Variants in HYDIN observed in about 807,000 individuals in gnomAD.
HYDIN encodes HYDIN axonemal central pair apparatus protein.
In HYDIN, 132 loss-of-function variants were observed where a neutral mutation model predicts 403.9. The ratio of observed to expected loss-of-function variants is 0.33; its 90% CI spans 0.28 to 0.38. HYDIN has a LOEUF of 0.38. Ranked by LOEUF, HYDIN falls within the 10% of genes least tolerant of loss-of-function variation. HYDIN has a pLI of 1.00. For missense variants in HYDIN, 2,827 were observed against 5,009.5 expected (o/e 0.56, Z 13.15); for synonymous variants, 1,202 against 1,891.7 (o/e 0.64, Z 9.46).
At chr16:71,137,614 A>C (rs995537800) in intron 7 of HYDIN, among the ~76,000 whole-genome samples, 6 of 152,068 alleles carry the variant, frequency 3.9e-5, no homozygotes, top group African/African-American at 1.4e-4. Context: ...GGGCACTCCA[A>C]AACTTTTTCT....
rs1422949359 is a variant in HYDIN, at chr16:70,832,829, C to T, written c.13899+19G>A. The T allele has an allele frequency of 3.1e-6, 5 of 1,597,952 alleles. No individual in the cohort carries two copies. In the Admixed American group the frequency reaches 5.0e-5, roughly 16 times the overall value. On this transcript the variant is annotated intron_variant, in intron 80 of 85. Coordinates refer to ENST00000393567, the MANE Select transcript of HYDIN (RefSeq NM_001270974.2). ...GGGTCACTCCTGCCACTGGGCCACC[C>T]CGGGCAGCAGCTACTAACCTCTTTT...
At chr16:71,109,331 TA>T (rs2083730137) in intron 10 of HYDIN, among the ~76,000 whole-genome samples, 1 of 136,988 alleles carries the variant, frequency 7.3e-6, no homozygotes, top group Non-Finnish European at 1.5e-5. Flanking sequence ...GGAAATATTT[TA>T]AAAGCAATGT....
At chr16:71,224,469 A>T (rs2040938886) in intron 1 of HYDIN, among the ~76,000 whole-genome samples, 1 of 152,090 alleles carries the variant, frequency 6.6e-6, no homozygotes, top group East Asian at 1.9e-4. Context: ...AGGCTGCTCA[A>T]TTTGCAAATT....
intron 1 of HYDIN, among the ~76,000 whole-genome samples, chr16:71,219,986 T>C (rs2089113316): frequency 6.6e-6 from 1 of 152,198 alleles, no homozygotes; most frequent in Admixed American, 6.5e-5. Context: ...TCCATTGCGT[T>C]CTGAAATGTA....
intron 58 of HYDIN, among the ~76,000 whole-genome samples, chr16:70,889,010 T>G (rs1016401441): frequency 5.9e-5 from 9 of 151,644 alleles, no homozygotes; most frequent in African/African-American, 1.9e-4. Context: ...TCTTTTTGTC[T>G]GTGTCTGTTG....
At chr16:70,976,501 T>C (rs1197283966) in intron 30 of HYDIN, among the ~76,000 whole-genome samples, 3 of 150,974 alleles carry the variant, frequency 2.0e-5, no homozygotes, top group Non-Finnish European at 4.4e-5. Context: ...TGTGATAAAA[T>C]TGCACAGAAC....
chr16:70,990,562 A>C (rs2079318025), intron 25 of HYDIN, among the ~76,000 whole-genome samples: 1 of 151,612 alleles, frequency 6.6e-6, no homozygotes, highest in Non-Finnish European at 1.5e-5. Flanking sequence ...GTGCCAAATT[A>C]GTATGTAGAG....
At chr16:70,999,230 C>T (rs1425823953) in intron 23 of HYDIN, among the ~76,000 whole-genome samples, 1 of 152,128 alleles carries the variant, frequency 6.6e-6, no homozygotes, top group African/African-American at 2.4e-5. Context: ...GAATCCCAAC[C>T]ATAGAGATTC....
At chr16:71,163,024 T>A (rs1349670389) in intron 5 of HYDIN, among the ~76,000 whole-genome samples, 1 of 152,130 alleles carries the variant, frequency 6.6e-6, no homozygotes, top group Non-Finnish European at 1.5e-5. Flanking sequence ...CCAGGCCCAT[T>A]TCTCCTGTAG....
intron 13 of HYDIN, among the ~76,000 whole-genome samples, chr16:71,074,102 C>A (rs1018821510): frequency 6.6e-6 from 1 of 152,238 alleles, no homozygotes; most frequent in Non-Finnish European, 1.5e-5. Context: ...AGGAATGGAA[C>A]TTAGTGTCAA....
chr16:70,885,499 A>T (rs2041075383), intron 58 of HYDIN, among the ~76,000 whole-genome samples: 1 of 152,090 alleles, frequency 6.6e-6, no homozygotes, highest in Admixed American at 6.5e-5. Context: ...AGGGCAAAGA[A>T]CAGCTGAAAT....
intron 41 of HYDIN, among the ~76,000 whole-genome samples, chr16:70,944,335 T>A (rs2077781697): frequency 6.6e-6 from 1 of 152,220 alleles, no homozygotes; most frequent in Non-Finnish European, 1.5e-5. Flanking sequence ...AAGGCCACCT[T>A]CCTTCACAAA....
intron 6 of HYDIN, chr16:71,153,028 T>C: frequency 2.6e-6 from 1 of 391,594 alleles, no homozygotes; most frequent in South Asian, 2.7e-5. Flanking sequence ...CTTGTTTGTG[T>C]CCTTGCCATT....
chr16:70,864,814 T>G (rs2039646766), intron 67 of HYDIN, among the ~76,000 whole-genome samples: 1 of 152,190 alleles, frequency 6.6e-6, no homozygotes, highest in African/African-American at 2.4e-5. Context: ...TTTGTCTTTG[T>G]GTCCCATACG....
intron 28 of HYDIN, among the ~76,000 whole-genome samples, 165 bp from the exon 29 acceptor site, chr16:70,981,733 G>A (rs2502656): frequency 1.3e-5 from 2 of 152,170 alleles, no homozygotes; most frequent in African/African-American, 4.8e-5. Flanking sequence ...GAAGAGGTTC[G>A]TAAATCCACA....
chr16:70,834,586 G>A (rs908553759), intron 78 of HYDIN, among the ~76,000 whole-genome samples: 5 of 151,982 alleles, frequency 3.3e-5, no homozygotes, highest in African/African-American at 4.8e-5. Context: ...CGTGGCTCAC[G>A]CCTGTAATCC....
intron 2 of HYDIN, among the ~76,000 whole-genome samples, chr16:71,185,644 C>A (rs2087111534): frequency 6.6e-6 from 1 of 151,952 alleles, no homozygotes; most frequent in Non-Finnish European, 1.5e-5. Context: ...ATGCTTTTAC[C>A]CTTTCCAATG....
At position 71,029,157 on chromosome 16, in the gene HYDIN, T is replaced by A. The variant is rs543018488; in HGVS notation, c.2769-1282A>T. ...TTTCTTTAAAGGGCTAAACAACAAA[T>A]ATTTTAGGCTTTTTGGGCCACACGG... On this transcript the variant is annotated intron_variant, in intron 19 of 85. Coordinates refer to ENST00000393567, the MANE Select transcript of HYDIN (RefSeq NM_001270974.2). 1.2e-3 allele frequency among the ~76,000 whole-genome samples: 176 copies of A among 152,246 alleles called. 1 individual carries two copies. The highest frequency in any genetic ancestry group is 4.0e-3 in the African/African-American group (166 of 41,552).
chr16:70,941,377 G>C (rs987881104), intron 43 of HYDIN: 1 of 293,090 alleles, frequency 3.4e-6, no homozygotes, highest in African/African-American at 2.2e-5. Context: ...TCAGTTGCCT[G>C]AGTCAGGATG....
Sources: gnomAD v4.1 joint callset for allele counts (sites outside exome capture counted in the v4.1 genomes callset) on GRCh38, gnomAD v4.1.1 for gene constraint, MANE v1.5 for transcripts, NCBI Gene and HGNC (gene_info 2026-07-23, HGNC 2026-07-21) for gene names.